CACNB2: variants seen among roughly 807,000 people sequenced by gnomAD.
The protein encoded by CACNB2 is voltage-dependent L-type calcium channel subunit beta-2.
Under a neutral mutation model 73.3 loss-of-function variants are expected in CACNB2, and 42 were observed. That is an observed-to-expected ratio of 0.57 (90% CI 0.45 to 0.74). CACNB2 has a LOEUF of 0.74. Among genes scored for constraint, CACNB2 ranks in the 30% least tolerant of loss-of-function variants. The pLI, the probability that CACNB2 is intolerant of heterozygous loss-of-function variation, is 0.00. For synonymous variants in CACNB2, 348 were observed against 310.3 expected (o/e 1.12, Z -1.28); for missense variants, 940 against 853.0 (o/e 1.10, Z -1.27).
chr10:18,141,270 C>T (rs1007253059), intron 1 of CACNB2: 23 of 1,383,542 alleles, frequency 1.7e-5, no homozygotes, highest in East Asian at 1.2e-4. Context: ...TCTACGATGC[C>T]GACTCTCCTG....
chr10:18,483,383 T>C (rs780888464), intron 3 of CACNB2, among the ~76,000 whole-genome samples: 1 of 151,572 alleles, frequency 6.6e-6, no homozygotes, highest in Non-Finnish European at 1.5e-5. Flanking sequence ...ATACAAAAAT[T>C]AGCTGGGCAT....
intron 10 of CACNB2, among the ~76,000 whole-genome samples, chr10:18,532,295 A>G (rs992691322): frequency 2.0e-5 from 3 of 152,190 alleles, no homozygotes; most frequent in Admixed American, 6.5e-5. Flanking sequence ...ATGTGTATAT[A>G]TTAAAACATG....
chr10:18,399,630 A>C (rs1589242848), intron 2 of CACNB2, among the ~76,000 whole-genome samples: 1 of 152,132 alleles, frequency 6.6e-6, no homozygotes, highest in South Asian at 2.1e-4. Context: ...CAATCCTCCC[A>C]CTTTGGCCTC....
intron 2 of CACNB2, among the ~76,000 whole-genome samples, chr10:18,202,783 C>T (rs563983446): frequency 5.9e-5 from 9 of 152,178 alleles, no homozygotes; most frequent in South Asian, 2.1e-4. Flanking sequence ...AATGTAGTAA[C>T]GTCAAGAAAT....
chr10:18,537,065 G>A (rs888621293), intron 12 of CACNB2, among the ~76,000 whole-genome samples: 2 of 152,086 alleles, frequency 1.3e-5, no homozygotes, highest in African/African-American at 4.8e-5. Flanking sequence ...GCTCACTATT[G>A]CAACCTCTGC....
At chr10:18,331,214 G>C (rs755613179) in intron 2 of CACNB2, among the ~76,000 whole-genome samples, 17 of 151,370 alleles carry the variant, frequency 1.1e-4, no homozygotes, top group Non-Finnish European at 5.9e-5. Context: ...TTGATCTCTT[G>C]ACCTTGTGAT....
At chr10:18,488,272 G>A (rs113696199) in intron 3 of CACNB2, among the ~76,000 whole-genome samples, 2,179 of 150,820 alleles carry the variant, frequency 0.014, 101 homozygotes, top group South Asian at 0.14. Context: ...TCAGGAGATC[G>A]AGACCATCCT....
At chr10:18,519,842 T>C (rs2051673195) in intron 9 of CACNB2, 2 of 420,936 alleles carry the variant, frequency 4.8e-6, no homozygotes, top group Non-Finnish European at 9.3e-6. Flanking sequence ...GACCTTCACA[T>C]TGCTAAATCC....
chr10:18,431,356 T>C (rs1416682252), intron 3 of CACNB2, among the ~76,000 whole-genome samples: 2 of 152,308 alleles, frequency 1.3e-5, no homozygotes, highest in East Asian at 3.9e-4. Flanking sequence ...TCACATTTGC[T>C]TGTGGGTCCA....
chr10:18,203,503 A>T (rs2034969797), intron 2 of CACNB2, among the ~76,000 whole-genome samples: 1 of 152,208 alleles, frequency 6.6e-6, no homozygotes, highest in Non-Finnish European at 1.5e-5. Flanking sequence ...CAAGATTAAA[A>T]TGCTCTATTT....
chr10:18,220,154 TAC>T (rs1307338427), intron 2 of CACNB2, among the ~76,000 whole-genome samples: 1,828 of 33,054 alleles, frequency 0.055, 141 homozygotes, highest in Non-Finnish European at 0.086. Context: ...TATATATATA[TAC>T]ACACACACAC....
chr10:18,150,859 T>TTTTTTTTTTTTTTTTTTTTTTA lies in CACNB2; in HGVS notation c.121-23_121-2dup. ...TCTCATAATAATCTTATTTGTCTTT[T>TTTTTTTTTTTTTTTTTTTTTTA]TTTTTTTTTTTTTTTTTTTTTAGTC... On this transcript the variant is annotated intron_variant, in intron 1 of 13. Transcript: ENST00000324631. 2.5e-6 allele frequency: 2 copies of TTTTTTTTTTTTTTTTTTTTTTA among 787,708 alleles called. 1 individual carries two copies. Among genetic ancestry groups the TTTTTTTTTTTTTTTTTTTTTTA allele is most frequent in the South Asian group, 4.2e-5 (2 of 47,588 alleles). 48.8% of individuals were successfully genotyped at this position (787,708 alleles called of 1,614,324 possible).
intron 3 of CACNB2, among the ~76,000 whole-genome samples, chr10:18,476,979 C>T (rs2132804628): frequency 6.6e-6 from 1 of 151,196 alleles, no homozygotes; most frequent in South Asian, 2.1e-4. Flanking sequence ...AAGATTGTGC[C>T]ACTGCACTCC....
intron 1 of CACNB2, 192 bp downstream of exon 1, chr10:18,141,048 G>A: frequency 6.5e-7 from 1 of 1,545,998 alleles, no homozygotes; most frequent in South Asian, 1.2e-5. Context: ...CTCTGCCTCG[G>A]CTTCCATTTT....
intron 2 of CACNB2, among the ~76,000 whole-genome samples, chr10:18,342,530 T>C (rs1179535343): frequency 6.6e-6 from 1 of 152,208 alleles, no homozygotes; most frequent in Non-Finnish European, 1.5e-5. Context: ...TTAAGTATCA[T>C]GGGGAATCTG....
intron 3 of CACNB2, among the ~76,000 whole-genome samples, chr10:18,450,122 A>G (rs952548763): frequency 7.9e-5 from 12 of 152,228 alleles, no homozygotes; most frequent in African/African-American, 2.9e-4. Flanking sequence ...GTAAAGCCCA[A>G]AACTATCCGG....
At chr10:18,447,955 G>A (rs1408726482) in intron 3 of CACNB2, among the ~76,000 whole-genome samples, 1 of 152,058 alleles carries the variant, frequency 6.6e-6, no homozygotes, top group Non-Finnish European at 1.5e-5. Context: ...AAGAAAAGAA[G>A]CAGAAAAGAA....
chr10:18,373,548 A>G (rs1431037922), intron 2 of CACNB2, among the ~76,000 whole-genome samples: 3 of 152,354 alleles, frequency 2.0e-5, no homozygotes, highest in South Asian at 2.1e-4. Context: ...CCAAGATCAC[A>G]TAGTTCATAA....
chr10:18,208,001 A>T (rs2035164510), intron 2 of CACNB2, among the ~76,000 whole-genome samples: 1 of 152,240 alleles, frequency 6.6e-6, no homozygotes, highest in African/African-American at 2.4e-5. Context: ...CTTTTAAAAA[A>T]TCTCAAGTTT....
Sources: gnomAD v4.1 joint callset for allele counts (sites outside exome capture counted in the v4.1 genomes callset) on GRCh38, gnomAD v4.1.1 for gene constraint, MANE v1.5 for transcripts, NCBI Gene and HGNC (gene_info 2026-07-23, HGNC 2026-07-21) for gene names.